Variants in ELP4 observed in about 807,000 individuals in gnomAD.
ELP4 encodes elongator acetyltransferase complex subunit 4.
Under a neutral mutation model 48.9 loss-of-function variants are expected in ELP4, and 51 were observed. That is an observed-to-expected ratio of 1.04 (90% CI 0.83 to 1.32). The LOEUF is 1.32. ELP4 is among the 40% of genes most tolerant of loss of function. The probability of loss-of-function intolerance (pLI) is 0.00; values close to 1 mark genes in which losing one functional copy is unlikely to be tolerated. For missense variants in ELP4, 519 were observed against 514.6 expected, an observed-to-expected ratio of 1.01 and a Z score of -0.08; for synonymous variants, 210 against 189.2, an observed-to-expected ratio of 1.11 and a Z score of -0.90.
intron 5 of ELP4, among the ~76,000 whole-genome samples, chr11:31,610,523 C>T (rs562355566): frequency 5.6e-4 from 85 of 152,278 alleles, no homozygotes; most frequent in Admixed American, 1.4e-3. Context: ...TTCCCCCCTC[C>T]GTATTCCCCA....
chr11:31,518,958 T>C (rs1245513391), intron 1 of ELP4, among the ~76,000 whole-genome samples: 1 of 151,412 alleles, frequency 6.6e-6, no homozygotes, highest in African/African-American at 2.4e-5. Context: ...ATTATAGGCA[T>C]GCACCACCAC....
chr11:31,650,376 A>G (rs879693208), intron 9 of ELP4, 155 bp downstream of exon 9: 6 of 424,742 alleles, frequency 1.4e-5, no homozygotes, highest in Non-Finnish European at 2.6e-5. Context: ...TTCTAATATA[A>G]CAATAATTTT....
At chr11:31,641,568 AG>A (rs1945097930) in intron 7 of ELP4, among the ~76,000 whole-genome samples, 1 of 151,786 alleles carries the variant, frequency 6.6e-6, no homozygotes, top group South Asian at 2.1e-4. Context: ...GCAGACTGAA[AG>A]GGGGGCACCT....
intron 8 of ELP4, chr11:31,648,087 G>C: frequency 3.3e-6 from 1 of 305,174 alleles, no homozygotes; most frequent in South Asian, 6.2e-5. Context: ...GCTGAGTCAG[G>C]TGTATATTTT....
chr11:31,724,256 G>A (rs973838538), intron 9 of ELP4, among the ~76,000 whole-genome samples: 16 of 152,166 alleles, frequency 1.1e-4, no homozygotes, highest in African/African-American at 2.9e-4. Context: ...AAGAAAGGGC[G>A]TGTCAACCAA....
chr11:31,613,536 TTAA>T (rs1166664982), intron 5 of ELP4, among the ~76,000 whole-genome samples: 1 of 152,160 alleles, frequency 6.6e-6, no homozygotes, highest in African/African-American at 2.4e-5. Flanking sequence ...AGCATACTTC[TTAA>T]TATCCTGCAA....
At chr11:31,566,332 TG>T (rs1041160923) in intron 3 of ELP4, among the ~76,000 whole-genome samples, 2 of 151,904 alleles carry the variant, frequency 1.3e-5, no homozygotes, top group Non-Finnish European at 2.9e-5. Context: ...CACTCTATCC[TG>T]GGCGTCAGAG....
chr11:31,510,044 G>C, intron 1 of ELP4, 37 bp downstream of exon 1: 1 of 1,586,202 alleles, frequency 6.3e-7, no homozygotes, highest in Non-Finnish European at 8.6e-7. Context: ...CAGCCGAGGG[G>C]AAACTTAGGG....
At chr11:31,719,214 A>G (rs1406021283) in intron 9 of ELP4, among the ~76,000 whole-genome samples, 2 of 151,852 alleles carry the variant, frequency 1.3e-5, no homozygotes, top group African/African-American at 4.8e-5. Context: ...GGCATGTTGC[A>G]CCACTGCAAT....
intron 9 of ELP4, chr11:31,651,425 A>G (rs961258172): frequency 3.3e-5 from 5 of 151,720 alleles, no homozygotes; most frequent in African/African-American, 1.2e-4. Flanking sequence ...GAAGTTTCTC[A>G]TCTGGGGACA....
intron 9 of ELP4, among the ~76,000 whole-genome samples, chr11:31,746,899 A>G (rs1038831905): frequency 2.7e-5 from 4 of 149,300 alleles, no homozygotes; most frequent in Non-Finnish European, 3.0e-5. Context: ...AATAATAATA[A>G]TTTTTTTAAA....
chr11:31,635,309 T>C (rs1007571253), intron 7 of ELP4, among the ~76,000 whole-genome samples: 2 of 151,998 alleles, frequency 1.3e-5, no homozygotes, highest in Non-Finnish European at 2.9e-5. Context: ...GTGATTACTA[T>C]GGGCCAGTTG....
At chr11:31,698,476 G>A (rs1946456990) in intron 9 of ELP4, among the ~76,000 whole-genome samples, 1 of 152,068 alleles carries the variant, frequency 6.6e-6, no homozygotes, top group Admixed American at 6.6e-5. Context: ...GCAGTGGTGA[G>A]ATCTCTACTC....
At chr11:31,549,013 G>C (rs1424124635) in intron 3 of ELP4, among the ~76,000 whole-genome samples, 1 of 152,010 alleles carries the variant, frequency 6.6e-6, no homozygotes, top group East Asian at 1.9e-4. Flanking sequence ...TTAAACGTTA[G>C]ACCTAAAACC....
chr11:31,534,296 A>C (rs958814343), intron 2 of ELP4, among the ~76,000 whole-genome samples: 23 of 127,476 alleles, frequency 1.8e-4, no homozygotes, highest in South Asian at 4.7e-4. Context: ...TGTGTGTATG[A>C]GAGCGAGAGA....
chr11:31,625,902 A>C (rs1020729920), intron 5 of ELP4, among the ~76,000 whole-genome samples: 5 of 151,900 alleles, frequency 3.3e-5, no homozygotes, highest in African/African-American at 1.2e-4. Context: ...CATGAAAAAA[A>C]GTGTCTATGT....
chr11:31,650,702 A>G (rs1945302075), intron 9 of ELP4: 2 of 151,900 alleles, frequency 1.3e-5, no homozygotes, highest in Admixed American at 1.3e-4. Context: ...CTTTAAGTAC[A>G]TTTTCTAAGA....
intron 9 of ELP4, among the ~76,000 whole-genome samples, chr11:31,685,322 G>A (rs1946138344): frequency 6.6e-6 from 1 of 152,046 alleles, no homozygotes; most frequent in Non-Finnish European, 1.5e-5. Flanking sequence ...TTGCACTCCA[G>A]CCTGGCTACA....
chr11:31,577,254 A>G (rs966314108), intron 3 of ELP4, among the ~76,000 whole-genome samples: 4 of 152,190 alleles, frequency 2.6e-5, no homozygotes, highest in Non-Finnish European at 5.9e-5. Flanking sequence ...GAATCCCTGT[A>G]TAGACCAATA....
Sources: gnomAD v4.1 joint callset for allele counts (sites outside exome capture counted in the v4.1 genomes callset) on GRCh38, gnomAD v4.1.1 for gene constraint, MANE v1.5 for transcripts, NCBI Gene and HGNC (gene_info 2026-07-23, HGNC 2026-07-21) for gene names.